The following PARP15 variants were observed in gnomAD, a reference collection of about 807,000 sequenced individuals.
The protein encoded by PARP15 is poly(ADP-ribose) polymerase family member 15, also known as protein mono-ADP-ribosyltransferase PARP15.
PARP15 carries 50 observed loss-of-function variants against 62.1 expected under a neutral mutation model. The observed-to-expected ratio is 0.81, with a 90% CI of 0.64 to 1.02. PARP15 has a LOEUF of 1.02. Among genes scored for constraint, PARP15 ranks in the 50% least tolerant of loss-of-function variants. The pLI, the probability that PARP15 is intolerant of heterozygous loss-of-function variation, is 0.00. For missense variants in PARP15, 820 were observed against 826.5 expected (o/e 0.99, Z 0.10); for synonymous variants, 309 against 293.1 (o/e 1.05, Z -0.55).
In PARP15 at chr3:122,613,035, T is replaced by A; in HGVS notation, c.544-6T>A. 6.5e-7 allele frequency: 1 copy of A among 1,548,964 alleles called. No homozygotes were observed. The highest frequency in any genetic ancestry group is 1.2e-5 in the South Asian group (1 of 83,984). On this transcript the variant is annotated splice_region_variant and splice_polypyrimidine_tract_variant and intron_variant, in intron 3 of 11. Transcript: ENST00000464300. ...AACTTATGTAAATGTACTTTGCACATTTCAGATCATGGCAAATATAATCAA... is the reference window on the plus strand; with the variant it reads ...AACTTATGTAAATGTACTTTGCACAATTCAGATCATGGCAAATATAATCAA...
intron 1 of PARP15, among the ~76,000 whole-genome samples, chr3:122,600,819 G>GT (rs1934730070): frequency 6.7e-6 from 1 of 149,504 alleles, no homozygotes; most frequent in Non-Finnish European, 1.5e-5. Flanking sequence ...AAAGGACTTT[G>GT]TTTTTAGAGT....
intron 4 of PARP15, chr3:122,615,136 C>A: frequency 9.0e-7 from 1 of 1,112,986 alleles, no homozygotes; most frequent in Non-Finnish European, 1.1e-6. Flanking sequence ...TGGATGAAGA[C>A]AACCCAAGTG....
At chr3:122,595,523 C>T (rs549279845) in intron 1 of PARP15, among the ~76,000 whole-genome samples, 5 of 152,138 alleles carry the variant, frequency 3.3e-5, no homozygotes, top group African/African-American at 7.2e-5. Flanking sequence ...CCATACTTTT[C>T]GGTTTTGTCC....
intron 1 of PARP15, among the ~76,000 whole-genome samples, chr3:122,596,353 T>C (rs1441959653): frequency 4.8e-5 from 1 of 21,034 alleles, no homozygotes; most frequent in Non-Finnish European, 8.5e-5. Flanking sequence ...AGACTCCATC[T>C]CAAAAAAAAA....
At chr3:122,608,768 C>CT (rs200651765) in intron 2 of PARP15, among the ~76,000 whole-genome samples, 3,038 of 137,142 alleles carry the variant, frequency 0.022, 87 homozygotes, top group African/African-American at 0.067. Context: ...AACAAGGTTA[C>CT]TTTTTTTTTT....
chr3:122,584,416 A>G (rs1028788255), intron 1 of PARP15, among the ~76,000 whole-genome samples: 1 of 152,142 alleles, frequency 6.6e-6, no homozygotes, highest in African/African-American at 2.4e-5. Context: ...TGCATTAGTT[A>G]GTTCCTACAG....
chr3:122,577,972 G>C, intron 1 of PARP15, 119 bp downstream of exon 1: 2 of 1,131,482 alleles, frequency 1.8e-6, no homozygotes, highest in Non-Finnish European at 2.4e-6. Context: ...CTCTCTTCTA[G>C]GGGGCGCCGA....
chr3:122,583,114 CTTTTTT>C (rs67942585), intron 1 of PARP15, among the ~76,000 whole-genome samples: 2 of 83,444 alleles, frequency 2.4e-5, no homozygotes, highest in Non-Finnish European at 4.3e-5. Context: ...TCATCTGTAT[CTTTTTT>C]TTTTTTTTTT....
At chr3:122,607,027 T>C (rs973989907) in intron 2 of PARP15, among the ~76,000 whole-genome samples, 4 of 152,188 alleles carry the variant, frequency 2.6e-5, no homozygotes, top group African/African-American at 7.2e-5. Context: ...GAGTCCTCTG[T>C]CACGTGGGTT....
intron 3 of PARP15, among the ~76,000 whole-genome samples, chr3:122,610,986 A>G (rs1470400347): frequency 6.6e-6 from 1 of 152,224 alleles, no homozygotes; most frequent in Non-Finnish European, 1.5e-5. Context: ...CTGTCTATCT[A>G]TTGAAATCTT....
At chr3:122,613,814 C>CA (rs1935747644) in intron 4 of PARP15, among the ~76,000 whole-genome samples, 2 of 90,738 alleles carry the variant, frequency 2.2e-5, no homozygotes, top group Non-Finnish European at 2.0e-5. Context: ...TGAATCTCAG[C>CA]TTTTTTTTTT....
At chr3:122,578,262 TAGACTTTTAGTCATATTTTAATATA>T (rs1352774917) in intron 1 of PARP15, among the ~76,000 whole-genome samples, 1 of 152,100 alleles carries the variant, frequency 6.6e-6, no homozygotes, top group Non-Finnish European at 1.5e-5. Flanking sequence ...TTATGACGTC[TAGACTTTTAGTCATATTTTAATATA>T]TGACTTTTAG....
At chr3:122,591,757 T>C (rs1240988389) in intron 1 of PARP15, among the ~76,000 whole-genome samples, 1 of 89,856 alleles carries the variant, frequency 1.1e-5, no homozygotes, top group African/African-American at 4.5e-5. Context: ...AGAGCGAGAC[T>C]CTGTCTCAAA....
chr3:122,633,523 CT>C (rs939309527), intron 10 of PARP15, among the ~76,000 whole-genome samples: 28 of 145,414 alleles, frequency 1.9e-4, no homozygotes, highest in African/African-American at 3.3e-4. Flanking sequence ...CAGACCTTTT[CT>C]TTTTTTTTTT....
chr3:122,590,974 CT>C (rs1933865146), intron 1 of PARP15, among the ~76,000 whole-genome samples: 1 of 152,116 alleles, frequency 6.6e-6, no homozygotes, highest in South Asian at 2.1e-4. Context: ...ATGTTTGTTA[CT>C]TTTTTCCCCA....
rs938207847 is a variant in PARP15, at chr3:122,610,724, T to C, written c.537T>C (p.Ser179=). Reference sequence around the variant, plus strand: ...ACTGGAATAATGGAGCAGAGACTTCTTGGCAGGTAGGGAACGCTCTTAGTT... The same window carrying C: ...ACTGGAATAATGGAGCAGAGACTTCCTGGCAGGTAGGGAACGCTCTTAGTT... The part of the protein sequence containing the change: ...APYWNNGAET[S]WQIMANIIKK... The change falls in exon 3 of 12, where the codon TCT becomes TCC. Residue 179 remains serine (S), a synonymous_variant. Coordinates refer to ENST00000464300, the MANE Select transcript of PARP15 (RefSeq NM_001113523.3). 2.6e-6 allele frequency: 4 copies of C among 1,511,724 alleles called. No individual in the cohort carries two copies. In the African/African-American group the frequency reaches 5.6e-5, roughly 21 times the overall value. The allele number at this position is 1,511,724 out of a possible 1,614,324, so 93.6% of individuals were successfully genotyped here. A position where few individuals can be genotyped will look rare whatever the true frequency, so the allele number is the denominator to read the frequency against.
At chr3:122,594,485 T>C in intron 1 of PARP15, 1 of 924,682 alleles carries the variant, frequency 1.1e-6, no homozygotes, top group Non-Finnish European at 1.3e-6. Context: ...AGGTAACTGT[T>C]GATCCTGTTC....
At chr3:122,605,209 G>A (rs570014534) in intron 1 of PARP15, among the ~76,000 whole-genome samples, 75 of 152,220 alleles carry the variant, frequency 4.9e-4, no homozygotes, top group African/African-American at 1.7e-3. Context: ...GGCTGGTGGT[G>A]GGGGATTGTG....
At chr3:122,599,165 G>T (rs1267880582) in intron 1 of PARP15, among the ~76,000 whole-genome samples, 2 of 152,208 alleles carry the variant, frequency 1.3e-5, no homozygotes, top group African/African-American at 4.8e-5. Flanking sequence ...CAAAGTGCTG[G>T]GATTACAGGC....
Sources: gnomAD v4.1 joint callset for allele counts (sites outside exome capture counted in the v4.1 genomes callset) on GRCh38, gnomAD v4.1.1 for gene constraint, MANE v1.5 for transcripts, NCBI Gene and HGNC (gene_info 2026-07-23, HGNC 2026-07-21) for gene names.